Variants in FAM241A observed in about 807,000 individuals in gnomAD.
FAM241A encodes family with sequence similarity 241 member A.
Under a neutral mutation model 12.2 loss-of-function variants are expected in FAM241A, and 7 were observed. The observed-to-expected ratio is 0.58, with a 90% CI of 0.33 to 1.08. FAM241A has a LOEUF of 1.08. FAM241A is among the 50% of genes least tolerant of loss of function. FAM241A has a pLI of 0.04. For synonymous variants in FAM241A, 74 were observed against 68.2 expected (o/e 1.08, Z -0.42); for missense variants, 161 against 169.7 (o/e 0.95, Z 0.29).
intron 1 of FAM241A, among the ~76,000 whole-genome samples, chr4:112,168,513 G>C (rs1194354291): frequency 6.6e-6 from 1 of 152,064 alleles, no homozygotes; most frequent in African/African-American, 2.4e-5. Flanking sequence ...AATATAAATG[G>C]CATTTTCATA....
At chr4:112,180,602 A>C (rs560418120) in intron 1 of FAM241A, among the ~76,000 whole-genome samples, 4 of 152,316 alleles carry the variant, frequency 2.6e-5, no homozygotes, top group South Asian at 4.1e-4. Context: ...TGTAAAATAT[A>C]GTAAAAATGA....
intron 1 of FAM241A, among the ~76,000 whole-genome samples, chr4:112,163,677 A>C (rs912411136): frequency 2.6e-5 from 4 of 152,242 alleles, no homozygotes; most frequent in African/African-American, 9.6e-5. Flanking sequence ...GCTGGAGAGG[A>C]TGTGGAAAAA....
At chr4:112,181,699 T>C (rs1016575581) in intron 1 of FAM241A, among the ~76,000 whole-genome samples, 3 of 152,118 alleles carry the variant, frequency 2.0e-5, no homozygotes, top group African/African-American at 7.2e-5. Context: ...GAAATAGTTT[T>C]TTGAGCAGAG....
At chr4:112,181,856 T>C (rs1723949416) in intron 1 of FAM241A, among the ~76,000 whole-genome samples, 3 of 152,090 alleles carry the variant, frequency 2.0e-5, no homozygotes, top group Non-Finnish European at 4.4e-5. Context: ...TGTTAAAGAT[T>C]TTGGCCTTAA....
At chr4:112,176,024 T>C (rs745592078) in intron 1 of FAM241A, among the ~76,000 whole-genome samples, 17 of 152,160 alleles carry the variant, frequency 1.1e-4, no homozygotes, top group Non-Finnish European at 1.9e-4. Context: ...TCTTAAATCG[T>C]CAACTCACTC....
At chr4:112,152,748 GA>G (rs751945577) in intron 1 of FAM241A, among the ~76,000 whole-genome samples, 2 of 152,138 alleles carry the variant, frequency 1.3e-5, no homozygotes, top group Non-Finnish European at 2.9e-5. Context: ...ATGAAACAAT[GA>G]AAAGGGGGTT....
intron 1 of FAM241A, among the ~76,000 whole-genome samples, chr4:112,174,661 C>T (rs553546373): frequency 6.6e-6 from 1 of 152,252 alleles, no homozygotes; most frequent in South Asian, 2.1e-4. Flanking sequence ...CAAGAAGAGC[C>T]TTCCTGGGAT....
Position 112,192,365 on chromosome 4 carries a change from CTTTAAG to C in FAM241A, c.*5431_*5436del, listed in dbSNP as rs1249727883. The C allele has an allele frequency of 1.3e-5, 2 of 151,528 alleles. No homozygotes were observed. The highest frequency in any genetic ancestry group is 2.9e-5 in the Non-Finnish European group (2 of 67,928). 9.4% of individuals were successfully genotyped at this position (151,528 alleles called of 1,614,324 possible). On this transcript the variant is annotated 3_prime_UTR_variant, in exon 2 of 2. Transcript: ENST00000309733. ...TTTCTTTTATTTTATTGTTATTATACTTTAAGTTTTAGGGTACATGTGTACAATGTG... is the reference window on the plus strand; with the variant it reads ...TTTCTTTTATTTTATTGTTATTATACTTTTAGGGTACATGTGTACAATGTG...
intron 1 of FAM241A, among the ~76,000 whole-genome samples, chr4:112,166,179 G>A (rs1421288928): frequency 1.3e-5 from 2 of 150,846 alleles, no homozygotes; most frequent in African/African-American, 4.9e-5. Context: ...CTCCCGAGTA[G>A]CTGGGACTAC....
chr4:112,173,331 T>C (rs1259042386), intron 1 of FAM241A, among the ~76,000 whole-genome samples: 1 of 152,236 alleles, frequency 6.6e-6, no homozygotes, highest in South Asian at 2.1e-4. Flanking sequence ...ATTTTAATTG[T>C]GCTAAAAGTT....
At position 112,187,127 on chromosome 4, in the gene FAM241A, A is replaced by G. The variant is rs1486265139; in HGVS notation, c.*189A>G. 7.4e-5 allele frequency: 45 copies of G among 609,870 alleles called. No individual in the cohort carries two copies. The highest frequency in any genetic ancestry group is 2.0e-5 in the Non-Finnish European group (7 of 355,004). The allele number at this position is 609,870 out of a possible 1,614,324, so 37.8% of individuals were successfully genotyped here. On this transcript the variant is annotated 3_prime_UTR_variant, in exon 2 of 2. Coordinates refer to ENST00000309733, the MANE Select transcript of FAM241A (RefSeq NM_152400.3). Reference sequence around the variant, plus strand: ...TTGATCATAACAGGGTTGAATATATATTTTGAATATACATTAGCTTATTCA... The same window carrying G: ...TTGATCATAACAGGGTTGAATATATGTTTTGAATATACATTAGCTTATTCA...
intron 1 of FAM241A, among the ~76,000 whole-genome samples, chr4:112,165,322 C>A (rs1723571527): frequency 6.6e-6 from 1 of 152,078 alleles, no homozygotes; most frequent in South Asian, 2.1e-4. Context: ...ATTAGTATGA[C>A]CACTATGGAG....
At chr4:112,173,352 A>G (rs1218599487) in intron 1 of FAM241A, among the ~76,000 whole-genome samples, 1 of 152,254 alleles carries the variant, frequency 6.6e-6, no homozygotes, top group Non-Finnish European at 1.5e-5. Flanking sequence ...TTTCTAAAAA[A>G]TAGGTTTGAG....
At chr4:112,162,505 C>A (rs1280248985) in intron 1 of FAM241A, among the ~76,000 whole-genome samples, 15 of 152,070 alleles carry the variant, frequency 9.9e-5, no homozygotes, top group South Asian at 2.1e-4. Flanking sequence ...AAGCATTCCT[C>A]CACACCAATA....
intron 1 of FAM241A, among the ~76,000 whole-genome samples, chr4:112,151,300 C>T (rs1723240598): frequency 6.6e-6 from 1 of 152,174 alleles, no homozygotes; most frequent in Non-Finnish European, 1.5e-5. Context: ...CTCCCTTCAC[C>T]TTCTGCCATG....
intron 1 of FAM241A, among the ~76,000 whole-genome samples, chr4:112,167,852 A>G (rs747611492): frequency 2.0e-5 from 3 of 152,208 alleles, no homozygotes; most frequent in Admixed American, 6.5e-5. Context: ...TATTCTGTGA[A>G]TCAAGGATTG....
At position 112,153,180 on chromosome 4, in the gene FAM241A, A is replaced by G. The variant is rs537466866; in HGVS notation, c.153+7447A>G. Among the ~76,000 whole-genome samples, 34 of 152,256 alleles carry G rather than the reference A, an allele frequency of 2.2e-4. 2 individuals carry two copies. The highest frequency in any genetic ancestry group is 8.2e-4 in the African/African-American group (34 of 41,552). On this transcript the variant is annotated intron_variant, in intron 1 of 1. Coordinates refer to ENST00000309733, the MANE Select transcript of FAM241A (RefSeq NM_152400.3). ...AAAATTAAACCTGTCAACCTAAATTATGTTGTTTTTTATGTAGATCTCTAG... is the reference window on the plus strand; with the variant it reads ...AAAATTAAACCTGTCAACCTAAATTGTGTTGTTTTTTATGTAGATCTCTAG...
At chr4:112,177,089 A>G (rs1340230674) in intron 1 of FAM241A, among the ~76,000 whole-genome samples, 2 of 152,104 alleles carry the variant, frequency 1.3e-5, no homozygotes, top group South Asian at 2.1e-4. Flanking sequence ...ATCTGAATTC[A>G]TTACTACTTT....
chr4:112,165,398 G>T (rs1723572853), intron 1 of FAM241A, among the ~76,000 whole-genome samples: 1 of 152,132 alleles, frequency 6.6e-6, no homozygotes, highest in African/African-American at 2.4e-5. Flanking sequence ...CAATCCCACT[G>T]CTGGGTATAT....
Sources: gnomAD v4.1 joint callset for allele counts (sites outside exome capture counted in the v4.1 genomes callset) on GRCh38, gnomAD v4.1.1 for gene constraint, MANE v1.5 for transcripts, NCBI Gene and HGNC (gene_info 2026-07-23, HGNC 2026-07-21) for gene names.